Variants in LARP7 observed in about 807,000 individuals in gnomAD.
LARP7 encodes the protein La ribonucleoprotein 7, transcriptional regulator.
Under a neutral mutation model 69.3 loss-of-function variants are expected in LARP7, and 52 were observed. That is an observed-to-expected ratio of 0.75 (90% CI 0.60 to 0.95). LARP7 has a LOEUF of 0.95. Ranked by LOEUF, LARP7 falls within the 40% of genes least tolerant of loss-of-function variation. The pLI is 0.00. For synonymous variants in LARP7, 254 were observed against 215.9 expected, an observed-to-expected ratio of 1.18 and a Z score of -1.55; for missense variants, 733 against 673.0, an observed-to-expected ratio of 1.09 and a Z score of -0.99.
At chr4:112,656,676 T>A (rs1201239577) in intron 12 of LARP7, among the ~76,000 whole-genome samples, 2 of 152,200 alleles carry the variant, frequency 1.3e-5, no homozygotes, top group Admixed American at 6.5e-5. Context: ...AAGGCAGAAT[T>A]TATAAAATTT....
intron 8 of LARP7, chr4:112,648,385 C>CT (rs773129212): frequency 5.9e-6 from 3 of 504,552 alleles, no homozygotes; most frequent in Non-Finnish European, 1.2e-5. Context: ...CATGGAAGCA[C>CT]TTACTTTTGT....
rs1178251797 is a variant in LARP7, at chr4:112,647,338, C to T, written c.786C>T (p.Asp262=). The T allele has an allele frequency of 1.2e-6, 2 of 1,613,908 alleles. No individual in the cohort carries two copies. The highest frequency in any genetic ancestry group is 2.7e-5 in the African/African-American group (2 of 74,928). ...CCAGACCCACATCTGAGGGCTCTGACATTGAGTCCACTGAACCCCAAAAGC... is the reference window on the plus strand; with the variant it reads ...CCAGACCCACATCTGAGGGCTCTGATATTGAGTCCACTGAACCCCAAAAGC... ...KRSRPTSEGS[D]IESTEPQKQC... The change falls in exon 7 of 13, where the codon GAC becomes GAT. Residue 262 remains aspartate, a synonymous_variant. Coordinates refer to ENST00000344442, the MANE Select transcript of LARP7 (RefSeq NM_016648.4).
chr4:112,652,847 G>A (rs771461268), intron 10 of LARP7, among the ~76,000 whole-genome samples: 57 of 151,766 alleles, frequency 3.8e-4, no homozygotes, highest in Middle Eastern at 6.8e-3. Context: ...AGATTTTAAG[G>A]ATGTGATTTC....
chr4:112,643,203 A>G (rs2048028550), intron 1 of LARP7, among the ~76,000 whole-genome samples: 1 of 152,248 alleles, frequency 6.6e-6, no homozygotes, highest in Non-Finnish European at 1.5e-5. Flanking sequence ...TAGTAATGTT[A>G]GAAGATGATA....
intron 1 of LARP7, among the ~76,000 whole-genome samples, chr4:112,639,278 C>A (rs982355756): frequency 6.7e-6 from 1 of 148,874 alleles, no homozygotes; most frequent in Non-Finnish European, 1.5e-5. Flanking sequence ...GGCACGATCT[C>A]GGCTCGCTGC....
intron 1 of LARP7, among the ~76,000 whole-genome samples, chr4:112,641,531 C>A (rs1165207792): frequency 2.6e-5 from 4 of 151,920 alleles, no homozygotes; most frequent in Non-Finnish European, 5.9e-5. Context: ...TAATAAAGTT[C>A]TTGTAGTTGT....
At chr4:112,637,761 A>G (rs2047741935) in intron 1 of LARP7, 1 of 152,150 alleles carries the variant, frequency 6.6e-6, no homozygotes, top group African/African-American at 2.4e-5. Context: ...AAATGATAGG[A>G]CACAGGGTGG....
intron 1 of LARP7, among the ~76,000 whole-genome samples, chr4:112,640,141 G>T (rs1027586890): frequency 2.6e-5 from 4 of 152,064 alleles, no homozygotes; most frequent in Non-Finnish European, 4.4e-5. Context: ...GTTTCACTTT[G>T]TTGGCCAGGC....
At chr4:112,653,321 A>AT in intron 11 of LARP7, 85 bp downstream of exon 11, 3 of 1,144,604 alleles carry the variant, frequency 2.6e-6, no homozygotes, top group Non-Finnish European at 3.6e-6. Flanking sequence ...TAATGAAACT[A>AT]GTTTTTTTTT....
chr4:112,646,429 TGAG>T lies in LARP7; in HGVS notation c.282_284del (p.Arg95del). 6.2e-7 allele frequency: 1 copy of T among 1,602,660 alleles called. No individual in the cohort carries two copies. ...GATGGGAAGTTAATTGCCAGAGCATTGAGAAGTTCAGCTGTTGTAGAGGTAAGA... is the reference window on the plus strand; with the variant it reads ...GATGGGAAGTTAATTGCCAGAGCATTAAGTTCAGCTGTTGTAGAGGTAAGA... On this transcript the variant is annotated inframe_deletion, in exon 3 of 13. Coordinates refer to ENST00000344442, the MANE Select transcript of LARP7 (RefSeq NM_016648.4).
intron 10 of LARP7, 93 bp downstream of exon 10, chr4:112,650,675 C>G: frequency 7.6e-7 from 1 of 1,322,658 alleles, no homozygotes; most frequent in Non-Finnish European, 1.0e-6. Flanking sequence ...TAAAACAAAT[C>G]AAGTTAGAAT....
At chr4:112,648,997 A>T (rs1400606926) in intron 8 of LARP7, among the ~76,000 whole-genome samples, 1 of 151,850 alleles carries the variant, frequency 6.6e-6, no homozygotes, top group Non-Finnish European at 1.5e-5. Context: ...GGTAACAATG[A>T]GTGCTCCCAC....
chr4:112,646,317 T>C lies in LARP7; in HGVS notation c.203-34T>C. The C allele has an allele frequency of 2.8e-6, 3 of 1,064,628 alleles. No homozygotes were observed. In the South Asian group the frequency reaches 4.1e-5, roughly 14 times the overall value. The allele number at this position is 1,064,628 out of a possible 1,614,324, so 65.9% of individuals were successfully genotyped here. ...TACCAAATTGAATTAATCCTGCTGATACACTAACATATTAACTTTTTCATT... is the reference window on the plus strand; with the variant it reads ...TACCAAATTGAATTAATCCTGCTGACACACTAACATATTAACTTTTTCATT... On this transcript the variant is annotated intron_variant, in intron 2 of 12. Coordinates refer to ENST00000344442, the MANE Select transcript of LARP7 (RefSeq NM_016648.4).
chr4:112,649,845 C>A, intron 9 of LARP7, 159 bp downstream of exon 9: 1 of 457,202 alleles, frequency 2.2e-6, no homozygotes, highest in Non-Finnish European at 3.8e-6. Flanking sequence ...AGATGTGTTA[C>A]TTACTCTTGA....
At chr4:112,646,998 CA>C in intron 5 of LARP7, 35 bp from the exon 6 acceptor site, 2 of 1,567,540 alleles carry the variant, frequency 1.3e-6, no homozygotes, top group Non-Finnish European at 1.7e-6. Flanking sequence ...GAAAAGAAAA[CA>C]AGTATTAAAA....
At chr4:112,638,529 A>C (rs2047808167) in intron 1 of LARP7, among the ~76,000 whole-genome samples, 1 of 152,180 alleles carries the variant, frequency 6.6e-6, no homozygotes, top group Non-Finnish European at 1.5e-5. Flanking sequence ...ATTAATATTC[A>C]TTTCAACGTT....
At chr4:112,641,136 C>T (rs2047943907) in intron 1 of LARP7, among the ~76,000 whole-genome samples, 4 of 152,136 alleles carry the variant, frequency 2.6e-5, no homozygotes, top group South Asian at 4.1e-4. Context: ...CGCGGTGGCT[C>T]ACACCTGTAA....
chr4:112,646,246 A>T (rs1022642428), intron 2 of LARP7, 105 bp from the exon 3 acceptor site: 7 of 568,862 alleles, frequency 1.2e-5, no homozygotes, highest in Non-Finnish European at 1.9e-5. Flanking sequence ...CTAGGATTAC[A>T]GGCATGAGCC....
At chr4:112,653,304 G>C in intron 11 of LARP7, 68 bp downstream of exon 11, 1 of 1,306,082 alleles carries the variant, frequency 7.7e-7, no homozygotes, top group Non-Finnish European at 1.0e-6. Context: ...TATTTTCTGA[G>C]TTTGGCTAAT....
Sources: gnomAD v4.1 joint callset for allele counts (sites outside exome capture counted in the v4.1 genomes callset) on GRCh38, gnomAD v4.1.1 for gene constraint, MANE v1.5 for transcripts, NCBI Gene and HGNC (gene_info 2026-07-23, HGNC 2026-07-21) for gene names.